The following NPAS3 variants were observed in gnomAD, a reference collection of about 807,000 sequenced individuals.
NPAS3 encodes neuronal PAS domain protein 3.
NPAS3 carries 14 observed loss-of-function variants against 73.1 expected under a neutral mutation model. That is an observed-to-expected ratio of 0.19 (90% CI 0.13 to 0.30). NPAS3 has a LOEUF of 0.30. Among genes scored for constraint, NPAS3 ranks in the 10% least tolerant of loss-of-function variants. The pLI is 1.00. For synonymous variants in NPAS3, 620 were observed against 541.5 expected (o/e 1.14, Z -2.01); for missense variants, 1,096 against 1,250.0 (o/e 0.88, Z 1.86).
chr14:33,444,987 G>A (rs1029468659), intron 4 of NPAS3, among the ~76,000 whole-genome samples: 1 of 152,188 alleles, frequency 6.6e-6, no homozygotes, highest in East Asian at 1.9e-4. Context: ...TTCTCTCACA[G>A]CAACTTAAGT....
At chr14:33,166,080 C>T (rs567002141) in intron 2 of NPAS3, among the ~76,000 whole-genome samples, 20 of 152,288 alleles carry the variant, frequency 1.3e-4, no homozygotes, top group Non-Finnish European at 2.4e-4. Context: ...CCACTACTGT[C>T]GGTGCTGTGC....
At chr14:33,090,495 A>T (rs1400774701) in intron 2 of NPAS3, among the ~76,000 whole-genome samples, 1 of 152,224 alleles carries the variant, frequency 6.6e-6, no homozygotes, top group Non-Finnish European at 1.5e-5. Flanking sequence ...CAGATTCATA[A>T]ATCAAGTCCT....
At chr14:33,302,804 C>T (rs1027963523) in intron 3 of NPAS3, among the ~76,000 whole-genome samples, 2 of 152,082 alleles carry the variant, frequency 1.3e-5, no homozygotes, top group African/African-American at 2.4e-5. Flanking sequence ...TGAGCTTTCA[C>T]TCTTTTGTTT....
chr14:33,174,827 G>A (rs925424955), intron 2 of NPAS3, among the ~76,000 whole-genome samples: 7 of 152,204 alleles, frequency 4.6e-5, no homozygotes, highest in African/African-American at 1.7e-4. Flanking sequence ...CCAGATGGGA[G>A]GATGGAGAGC....
At chr14:33,087,404 T>C (rs1230336075) in intron 2 of NPAS3, among the ~76,000 whole-genome samples, 1 of 151,918 alleles carries the variant, frequency 6.6e-6, no homozygotes, top group Non-Finnish European at 1.5e-5. Context: ...ATGATGTGAT[T>C]ATTACCAAGT....
Position 33,790,739 on chromosome 14 carries a change from G to A in NPAS3, c.1154-3158G>A, listed in dbSNP as rs139581085. 7.1e-3 allele frequency among the ~76,000 whole-genome samples: 1,079 copies of A among 152,260 alleles called. 8 individuals carry two copies. Among genetic ancestry groups the A allele is most frequent in the African/African-American group, 0.025 (1,033 of 41,540 alleles). On this transcript the variant is annotated intron_variant, in intron 9 of 11. Transcript: ENST00000356141. The stretch of plus-strand genomic sequence containing the variant: ...GCTGGAGTTCAGTGGTGCAATCTCA[G>A]CTCACCGCAACCTCCGCCTCCCAGG...
chr14:33,016,148 C>T (rs117252054), intron 1 of NPAS3, among the ~76,000 whole-genome samples: 3,542 of 152,126 alleles, frequency 0.023, 101 homozygotes, highest in South Asian at 0.073. Context: ...TAATTGAATA[C>T]CCTCAACTTA....
chr14:33,439,484 T>C (rs922440318), intron 4 of NPAS3, among the ~76,000 whole-genome samples: 1 of 152,232 alleles, frequency 6.6e-6, no homozygotes, highest in Non-Finnish European at 1.5e-5. Flanking sequence ...TTGACCTACG[T>C]TCCTCAGAGC....
At chr14:33,013,957 A>C (rs936471135) in intron 1 of NPAS3, among the ~76,000 whole-genome samples, 5 of 152,174 alleles carry the variant, frequency 3.3e-5, no homozygotes, top group African/African-American at 1.2e-4. Flanking sequence ...AAATGTCACA[A>C]TAAAATAAGC....
intron 3 of NPAS3, among the ~76,000 whole-genome samples, chr14:33,247,521 C>A (rs917785660): frequency 6.6e-6 from 1 of 152,092 alleles, no homozygotes; most frequent in African/African-American, 2.4e-5. Flanking sequence ...ATGATCCTGG[C>A]GGTGCATGTG....
chr14:32,996,848 T>C (rs111693097), intron 1 of NPAS3, among the ~76,000 whole-genome samples: 1 of 151,790 alleles, frequency 6.6e-6, no homozygotes, highest in African/African-American at 2.4e-5. Context: ...CCACACAGAG[T>C]TGATACTAGG....
intron 1 of NPAS3, among the ~76,000 whole-genome samples, chr14:33,054,346 G>A (rs756187801): frequency 1.2e-4 from 19 of 152,112 alleles, no homozygotes; most frequent in Non-Finnish European, 2.5e-4. Context: ...GGGGTAAATG[G>A]TTAATTATAA....
intron 6 of NPAS3, among the ~76,000 whole-genome samples, chr14:33,720,098 A>G (rs2061065622): frequency 6.6e-6 from 1 of 152,190 alleles, no homozygotes; most frequent in East Asian, 1.9e-4. Context: ...AATAAAAGAG[A>G]AAAAAAGCTT....
In NPAS3 at chr14:33,156,523, C is replaced by T. The variant is rs368094837; in HGVS notation, c.141-58659C>T. 5.9e-5 allele frequency among the ~76,000 whole-genome samples: 9 copies of T among 152,190 alleles called. No homozygotes were observed. In the East Asian group the frequency reaches 1.2e-3, roughly 20 times the overall value. The stretch of plus-strand genomic sequence containing the variant: ...ACCTCCTTACTTGGATTTTTAAATT[C>T]CCTTAATTATTTACAAGAATATAAA... On this transcript the variant is annotated intron_variant, in intron 2 of 11. Transcript: ENST00000356141.
At chr14:33,463,234 C>T (rs1328216273) in intron 4 of NPAS3, among the ~76,000 whole-genome samples, 1 of 152,166 alleles carries the variant, frequency 6.6e-6, no homozygotes, top group African/African-American at 2.4e-5. Flanking sequence ...CTGAACAAAT[C>T]TGTAGTAATC....
chr14:33,045,890 A>T (rs546967716), intron 1 of NPAS3, among the ~76,000 whole-genome samples: 1 of 152,168 alleles, frequency 6.6e-6, no homozygotes, highest in Non-Finnish European at 1.5e-5. Flanking sequence ...GCCTATTCTG[A>T]GGTGGTTTTA....
intron 9 of NPAS3, among the ~76,000 whole-genome samples, chr14:33,779,844 A>G (rs1430408865): frequency 6.6e-6 from 1 of 152,232 alleles, no homozygotes; most frequent in Admixed American, 6.5e-5. Flanking sequence ...CTGTACATGC[A>G]AGGTGCCACA....
intron 4 of NPAS3, among the ~76,000 whole-genome samples, chr14:33,417,547 A>G (rs1566884383): frequency 2.0e-5 from 3 of 152,076 alleles, no homozygotes; most frequent in Admixed American, 2.0e-4. Context: ...GAAGAAAGAT[A>G]TGTTTGGATT....
chr14:33,801,993 C>A (rs1268746608), downstream of NPAS3: 1 of 152,098 alleles, frequency 6.6e-6, no homozygotes, highest in East Asian at 1.9e-4. Context: ...ACAAACATAG[C>A]CTCACATTAA....
Sources: gnomAD v4.1 joint callset for allele counts (sites outside exome capture counted in the v4.1 genomes callset) on GRCh38, gnomAD v4.1.1 for gene constraint, MANE v1.5 for transcripts, NCBI Gene and HGNC (gene_info 2026-07-23, HGNC 2026-07-21) for gene names.